The following THSD7B variants were observed in gnomAD, a reference collection of about 807,000 sequenced individuals.
THSD7B encodes thrombospondin type 1 domain containing 7B, also known as thrombospondin type-1 domain-containing protein 7B.
Under a neutral mutation model 213.6 loss-of-function variants are expected in THSD7B, and 138 were observed. The ratio of observed to expected loss-of-function variants is 0.65; its 90% CI spans 0.56 to 0.74. The LOEUF (loss-of-function observed/expected upper bound fraction) is 0.74, where lower values mean the gene tolerates loss of function less well. Ranked by LOEUF, THSD7B falls within the 30% of genes least tolerant of loss-of-function variation. The pLI, the probability that THSD7B is intolerant of heterozygous loss-of-function variation, is 0.00. For missense variants in THSD7B, 1,931 were observed against 1,991.5 expected (o/e 0.97, Z 0.58); for synonymous variants, 742 against 687.0 (o/e 1.08, Z -1.25).
At chr2:137,158,699 C>G (rs147992206) in intron 5 of THSD7B, among the ~76,000 whole-genome samples, 7 of 151,868 alleles carry the variant, frequency 4.6e-5, no homozygotes, top group Non-Finnish European at 1.0e-4. Context: ...TTTTGGTGTT[C>G]GAAGTTCTGC....
At chr2:137,144,241 T>G (rs1214376388) in intron 5 of THSD7B, among the ~76,000 whole-genome samples, 1 of 152,112 alleles carries the variant, frequency 6.6e-6, no homozygotes, top group African/African-American at 2.4e-5. Flanking sequence ...TTTTCTAGAC[T>G]TGACCTGTAC....
chr2:137,671,298 A>AAAAG (rs1444329389), intron 27 of THSD7B, among the ~76,000 whole-genome samples: 1 of 151,866 alleles, frequency 6.6e-6, no homozygotes, highest in Non-Finnish European at 1.5e-5. Flanking sequence ...CTCATTATGT[A>AAAAG]AAAGATTTTA....
intron 11 of THSD7B, among the ~76,000 whole-genome samples, chr2:137,273,581 G>A (rs1349092301): frequency 1.3e-5 from 2 of 152,062 alleles, no homozygotes; most frequent in African/African-American, 4.8e-5. Context: ...TAAACCTAAA[G>A]CTGTGAAATT....
At chr2:137,450,009 G>A (rs2105064855) in intron 14 of THSD7B, among the ~76,000 whole-genome samples, 1 of 152,228 alleles carries the variant, frequency 6.6e-6, no homozygotes, top group Non-Finnish European at 1.5e-5. Context: ...AATCGGGAAA[G>A]GAACACAAGA....
intron 10 of THSD7B, among the ~76,000 whole-genome samples, chr2:137,253,411 G>T (rs756386813): frequency 7.2e-5 from 11 of 152,034 alleles, no homozygotes; most frequent in Non-Finnish European, 1.3e-4. Context: ...AATTTTCTTC[G>T]TGGAACAGCC....
intron 17 of THSD7B, 151 bp from the exon 18 acceptor site, chr2:137,616,024 A>C: frequency 4.1e-6 from 3 of 739,894 alleles, no homozygotes; most frequent in South Asian, 6.5e-5. Context: ...AATCATTCAC[A>C]GAATGGTTTC....
chr2:137,300,657 C>T (rs6731412), intron 12 of THSD7B, among the ~76,000 whole-genome samples: 4 of 152,108 alleles, frequency 2.6e-5, no homozygotes, highest in Non-Finnish European at 2.9e-5. Flanking sequence ...ATGATTTATA[C>T]GAATTCATGA....
At chr2:137,031,326 C>G (rs1314459103) in intron 2 of THSD7B, among the ~76,000 whole-genome samples, 1 of 152,158 alleles carries the variant, frequency 6.6e-6, no homozygotes, top group Non-Finnish European at 1.5e-5. Flanking sequence ...GCCTGGGCGA[C>G]AGAGTGAGAC....
chr2:137,395,260 T>C (rs1686147657), intron 12 of THSD7B, among the ~76,000 whole-genome samples: 1 of 146,976 alleles, frequency 6.8e-6, no homozygotes, highest in Admixed American at 6.8e-5. Flanking sequence ...AGGGAATGCT[T>C]CCAGTTTTTG....
intron 5 of THSD7B, among the ~76,000 whole-genome samples, chr2:137,146,798 A>G (rs999692151): frequency 7.9e-5 from 12 of 152,172 alleles, no homozygotes; most frequent in Non-Finnish European, 1.3e-4. Context: ...AAAAATGTTT[A>G]CAAAAATTAC....
chr2:137,283,974 G>A (rs1386619779), intron 12 of THSD7B, among the ~76,000 whole-genome samples: 1 of 152,068 alleles, frequency 6.6e-6, no homozygotes, highest in Non-Finnish European at 1.5e-5. Context: ...AGAAGGAATG[G>A]TACCAGTTCC....
chr2:137,525,939 C>T (rs149476606), intron 15 of THSD7B, among the ~76,000 whole-genome samples: 2 of 152,142 alleles, frequency 1.3e-5, no homozygotes, highest in Non-Finnish European at 2.9e-5. Flanking sequence ...CAGCCAGCCC[C>T]TTTCCTCCTT....
chr2:136,900,989 A>G (rs1322515349), intron 2 of THSD7B, among the ~76,000 whole-genome samples: 1 of 152,342 alleles, frequency 6.6e-6, no homozygotes, highest in East Asian at 1.9e-4. Context: ...TGAGTAGAAG[A>G]TTAGAAAAAA....
intron 27 of THSD7B, among the ~76,000 whole-genome samples, chr2:137,670,069 A>G (rs139081096): frequency 4.7e-4 from 71 of 152,340 alleles, no homozygotes; most frequent in African/African-American, 1.7e-3. Context: ...ATAAAATACC[A>G]ATGAAATTTC....
At chr2:137,453,075 T>A (rs1339035241) in intron 15 of THSD7B, among the ~76,000 whole-genome samples, 2 of 152,134 alleles carry the variant, frequency 1.3e-5, no homozygotes, top group African/African-American at 4.8e-5. Context: ...ATCAGAAATA[T>A]AATTTAGTTT....
rs70975799 is a variant in THSD7B, at chr2:137,089,245, G to GGTGT, written c.951-5601_951-5598dup. 4.9e-3 allele frequency among the ~76,000 whole-genome samples: 620 copies of GGTGT among 126,784 alleles called. 5 individuals carry two copies. Among genetic ancestry groups the GGTGT allele is most frequent in the African/African-American group, 0.017 (513 of 30,052 alleles). 83.2% of individuals were successfully genotyped at this position (126,784 alleles called of 152,430 possible). A position where few individuals can be genotyped will look rare whatever the true frequency, so the allele number is the denominator to read the frequency against. On this transcript the variant is annotated intron_variant, in intron 3 of 27. Coordinates refer to ENST00000409968, the MANE Select transcript of THSD7B (RefSeq NM_001316349.2). ...CCATCAATGAGTGGATAAAGAAAGT[G>GGTGT]GTGTGTGTGTGTGTGTGTGTGTGTG...
intron 9 of THSD7B, among the ~76,000 whole-genome samples, chr2:137,234,315 T>C (rs1318929449): frequency 6.6e-6 from 1 of 152,184 alleles, no homozygotes; most frequent in Non-Finnish European, 1.5e-5. Flanking sequence ...ATGGAAACAC[T>C]GAAAAATTTC....
intron 2 of THSD7B, among the ~76,000 whole-genome samples, chr2:136,912,952 C>T (rs959648876): frequency 2.6e-5 from 4 of 152,092 alleles, no homozygotes; most frequent in African/African-American, 7.2e-5. Flanking sequence ...AATGTGGAAG[C>T]GACTTTGGAA....
chr2:137,586,475 G>A lies in THSD7B; in HGVS notation c.3423+13919G>A, dbSNP rs559000694. On this transcript the variant is annotated intron_variant, in intron 17 of 27. Coordinates refer to ENST00000409968, the MANE Select transcript of THSD7B (RefSeq NM_001316349.2). ...GCATGTTTGTGCAGTGGGTGGTACC[G>A]GTTGTTCCTTTCCATGTTTAGTGCT... is the stretch of plus-strand genomic sequence containing the variant. Among the ~76,000 whole-genome samples the A allele has an allele frequency of 1.2e-3, 182 of 152,264 alleles. 1 individual carries two copies. Among genetic ancestry groups the A allele is most frequent in the Non-Finnish European group, 1.9e-3 (128 of 68,018 alleles).
Sources: gnomAD v4.1 joint callset for allele counts (sites outside exome capture counted in the v4.1 genomes callset) on GRCh38, gnomAD v4.1.1 for gene constraint, MANE v1.5 for transcripts, NCBI Gene and HGNC (gene_info 2026-07-23, HGNC 2026-07-21) for gene names.